Variants in SLC35F2 observed in about 807,000 individuals in gnomAD.
The protein encoded by SLC35F2 is queuine/queuosine transporter SLC35F2.
A neutral mutation model predicts 38.1 loss-of-function variants in SLC35F2; 25 were observed. That is an observed-to-expected ratio of 0.66 (90% CI 0.48 to 0.92). The LOEUF (loss-of-function observed/expected upper bound fraction) is 0.92. Among genes scored for constraint, SLC35F2 ranks in the 40% least tolerant of loss-of-function variants. SLC35F2 has a pLI of 0.00. For synonymous variants in SLC35F2, 173 were observed against 181.7 expected, an observed-to-expected ratio of 0.95 and a Z score of 0.38; for missense variants, 409 against 452.9, an observed-to-expected ratio of 0.90 and a Z score of 0.88.
At chr11:107,813,904 A>G (rs1302033906) in intron 2 of SLC35F2, among the ~76,000 whole-genome samples, 1 of 152,090 alleles carries the variant, frequency 6.6e-6, no homozygotes, top group Non-Finnish European at 1.5e-5. Context: ...GCCTCAGGTG[A>G]TCCTCCCACC....
intron 7 of SLC35F2, among the ~76,000 whole-genome samples, chr11:107,800,907 T>C: frequency 1.1e-4 from 5 of 44,710 alleles, no homozygotes; most frequent in South Asian, 7.0e-4. Context: ...TTACTACTTT[T>C]TTTTTTTTTT....
At chr11:107,837,749 C>A (rs1285944836) in intron 1 of SLC35F2, among the ~76,000 whole-genome samples, 2 of 151,962 alleles carry the variant, frequency 1.3e-5, no homozygotes, top group African/African-American at 4.8e-5. Context: ...AAGAAAGGCA[C>A]CCACTACCAG....
At chr11:107,812,177 A>C (rs1333002908) in intron 2 of SLC35F2, among the ~76,000 whole-genome samples, 3 of 152,128 alleles carry the variant, frequency 2.0e-5, no homozygotes, top group Non-Finnish European at 4.4e-5. Context: ...AAGTGCTGGG[A>C]TTTCAGGCGT....
intron 6 of SLC35F2, 117 bp from the exon 7 acceptor site, chr11:107,803,272 C>T (rs1219052785): frequency 1.1e-5 from 15 of 1,313,144 alleles, no homozygotes; most frequent in East Asian, 3.0e-5. Flanking sequence ...TGTACAAAGC[C>T]CCTTGTTAAC....
intron 7 of SLC35F2, among the ~76,000 whole-genome samples, chr11:107,797,626 A>G (rs760294726): frequency 6.6e-6 from 1 of 152,178 alleles, no homozygotes; most frequent in Non-Finnish European, 1.5e-5. Context: ...TGCTGGTCAC[A>G]TCCAGCTGTG....
In SLC35F2 at chr11:107,792,557, C is replaced by A; in HGVS notation, c.*58G>T. ...TCTGCTATTTCCCCAAGTGTCCCCT[C>A]AGCAGGCAGCAGGCTCTGCTTTATC... On this transcript the variant is annotated 3_prime_UTR_variant, in exon 8 of 8. Coordinates refer to ENST00000525815, the MANE Select transcript of SLC35F2 (RefSeq NM_017515.5). The A allele has an allele frequency of 6.5e-7, 1 of 1,530,290 alleles. No individual in the cohort carries two copies. The highest frequency in any genetic ancestry group is 8.8e-7 in the Non-Finnish European group (1 of 1,138,216). 94.8% of individuals were successfully genotyped at this position (1,530,290 alleles called of 1,614,324 possible).
At chr11:107,808,916 T>C (rs997497476) in intron 3 of SLC35F2, among the ~76,000 whole-genome samples, 12 of 152,198 alleles carry the variant, frequency 7.9e-5, no homozygotes, top group African/African-American at 2.4e-4. Flanking sequence ...GAGTCCCTTG[T>C]GTCTTAAAAT....
intron 5 of SLC35F2, 54 bp downstream of exon 5, chr11:107,805,302 TATC>T (rs1859374109): frequency 1.3e-6 from 2 of 1,505,328 alleles, no homozygotes; most frequent in Non-Finnish European, 8.9e-7. Context: ...TATTAGTAGT[TATC>T]ATCTATAATA....
chr11:107,799,971 C>T (rs1035721214), intron 7 of SLC35F2, among the ~76,000 whole-genome samples: 1 of 151,700 alleles, frequency 6.6e-6, no homozygotes, highest in African/African-American at 2.4e-5. Context: ...TTATTGCAAG[C>T]TCTGCCTCCC....
intron 2 of SLC35F2, among the ~76,000 whole-genome samples, chr11:107,813,452 G>A (rs1034412529): frequency 1.4e-4 from 22 of 151,964 alleles, no homozygotes; most frequent in African/African-American, 3.6e-4. Flanking sequence ...CAACAAGAGC[G>A]AAACTCCGTC....
chr11:107,817,913 C>T (rs1318538851), intron 1 of SLC35F2, among the ~76,000 whole-genome samples: 1 of 151,192 alleles, frequency 6.6e-6, no homozygotes, highest in African/African-American at 2.4e-5. Flanking sequence ...CAAAATTAGC[C>T]GGGTGTGATG....
At chr11:107,825,448 C>T (rs978022552) in intron 1 of SLC35F2, among the ~76,000 whole-genome samples, 63 of 151,024 alleles carry the variant, frequency 4.2e-4, no homozygotes, top group African/African-American at 1.4e-3. Context: ...CGCGGCTCAC[C>T]GCAACCTCCA....
chr11:107,836,546 C>T (rs1241129411), intron 1 of SLC35F2, among the ~76,000 whole-genome samples: 1 of 152,144 alleles, frequency 6.6e-6, no homozygotes, highest in Non-Finnish European at 1.5e-5. Flanking sequence ...AAAACGTTTC[C>T]CAGCTGTAGT....
At chr11:107,816,110 A>G in intron 1 of SLC35F2, 145 bp from the exon 2 acceptor site, 1 of 1,345,246 alleles carries the variant, frequency 7.4e-7, no homozygotes, top group Non-Finnish European at 9.5e-7. Context: ...TTCATGAAAT[A>G]AAAATTAAAA....
chr11:107,832,743 G>C (rs1474599912), intron 1 of SLC35F2, among the ~76,000 whole-genome samples: 1 of 152,136 alleles, frequency 6.6e-6, no homozygotes, highest in Admixed American at 6.5e-5. Flanking sequence ...GGAGTTCAAG[G>C]CTGCAGTGAG....
chr11:107,838,209 C>G (rs1859959744), intron 1 of SLC35F2, among the ~76,000 whole-genome samples: 1 of 152,192 alleles, frequency 6.6e-6, no homozygotes, highest in Non-Finnish European at 1.5e-5. Flanking sequence ...TGCAAGTACA[C>G]TACTTGCATT....
At chr11:107,832,710 A>G (rs66625589) in intron 1 of SLC35F2, among the ~76,000 whole-genome samples, 21,007 of 152,074 alleles carry the variant, frequency 0.14, 3,532 homozygotes, top group African/African-American at 0.4. Context: ...GGAGGCTGAG[A>G]TGAAAGGATC....
rs2305287 is a variant in SLC35F2, at chr11:107,803,179, C to G, written c.785-24G>C. On this transcript the variant is annotated intron_variant, in intron 6 of 7. Coordinates refer to ENST00000525815, the MANE Select transcript of SLC35F2 (RefSeq NM_017515.5). ...GGCTGTGGAAAAAAACATGGAATAT[C>G]TAATATTAGGGCAAGAAAACATAAG... is the stretch of plus-strand genomic sequence containing the variant. 42,142 of 1,584,082 alleles carry G rather than the reference C, an allele frequency of 0.027. 4,630 individuals are homozygous for G. The East Asian group carries it at 0.32, about 12-fold the overall frequency.
At chr11:107,815,747 GAAGATAATTTTGTTGAA>G (rs1160525809) in intron 2 of SLC35F2, 26 bp downstream of exon 2, 8 of 1,546,782 alleles carry the variant, frequency 5.2e-6, no homozygotes, top group Non-Finnish European at 7.0e-6. Flanking sequence ...TAATTTTTAT[GAAGATAATTTTGTTGAA>G]AAGATAATTT....
Sources: gnomAD v4.1 joint callset for allele counts (sites outside exome capture counted in the v4.1 genomes callset) on GRCh38, gnomAD v4.1.1 for gene constraint, MANE v1.5 for transcripts, NCBI Gene and HGNC (gene_info 2026-07-23, HGNC 2026-07-21) for gene names.